Variants in GRM7 observed in about 807,000 individuals in gnomAD.
GRM7 encodes metabotropic glutamate receptor 7.
A neutral mutation model predicts 84.5 loss-of-function variants in GRM7; 35 were observed. The ratio of observed to expected loss-of-function variants is 0.41; its 90% CI spans 0.32 to 0.55. GRM7 has a LOEUF of 0.55. Among genes scored for constraint, GRM7 ranks in the 20% least tolerant of loss-of-function variants. GRM7 has a pLI of 0.19. For synonymous variants in GRM7, 487 were observed against 455.1 expected, an observed-to-expected ratio of 1.07 and a Z score of -0.89; for missense variants, 1,003 against 1,194.6, an observed-to-expected ratio of 0.84 and a Z score of 2.36.
chr3:7,533,115 A>G (rs1188423925), intron 7 of GRM7, among the ~76,000 whole-genome samples: 18 of 152,098 alleles, frequency 1.2e-4, no homozygotes, highest in African/African-American at 3.1e-4. Context: ...AGGATATTCC[A>G]GACTTGAATT....
Position 7,317,157 on chromosome 3 carries a change from G to A in GRM7, c.1033+10505G>A, listed in dbSNP as rs535389260. Among the ~76,000 whole-genome samples the A allele has an allele frequency of 1.2e-4, 19 of 152,184 alleles. No individual in the cohort carries two copies. The East Asian group carries it at 3.3e-3, about 26-fold the overall frequency. ...TACATCATTGGTGATTTTTTACATA[G>A]ACTTATTGCGTCTGAGTGATTGGAA... On this transcript the variant is annotated intron_variant, in intron 4 of 9. Transcript: ENST00000357716.
chr3:7,062,172 G>A (rs185333483), intron 1 of GRM7, among the ~76,000 whole-genome samples: 3 of 151,892 alleles, frequency 2.0e-5, no homozygotes, highest in African/African-American at 7.2e-5. Context: ...GGCATGGTAA[G>A]CATTAAGCAT....
At chr3:7,162,788 C>A (rs1694674071) in intron 2 of GRM7, among the ~76,000 whole-genome samples, 1 of 67,878 alleles carries the variant, frequency 1.5e-5, no homozygotes, top group Non-Finnish European at 2.9e-5. Context: ...GAGATGGAGT[C>A]TCATTCTGTT....
rs1700883027 is a variant in GRM7 at position 7,528,154 on chromosome 3, G to T, written c.1516-50268G>T. On this transcript the variant is annotated intron_variant, in intron 7 of 9. Coordinates refer to ENST00000357716, the MANE Select transcript of GRM7 (RefSeq NM_000844.4). ...CAGCTGTTAATCCACGTAGTCCAGGGCGTTGTTTTGGTTGGTAGATATTTT... is the reference window on the plus strand; with the variant it reads ...CAGCTGTTAATCCACGTAGTCCAGGTCGTTGTTTTGGTTGGTAGATATTTT... Among the ~76,000 whole-genome samples, 3 of 151,886 alleles carry T rather than the reference G, an allele frequency of 2.0e-5. No homozygotes were observed. In the South Asian group the frequency reaches 6.2e-4, roughly 31 times the overall value.
intron 7 of GRM7, among the ~76,000 whole-genome samples, chr3:7,533,877 T>G (rs1051682288): frequency 6.6e-6 from 1 of 152,118 alleles, no homozygotes; most frequent in Non-Finnish European, 1.5e-5. Flanking sequence ...TATCAGTAAT[T>G]TTTTCCTTAC....
chr3:7,230,974 C>G (rs910400923), intron 2 of GRM7, among the ~76,000 whole-genome samples: 3 of 152,154 alleles, frequency 2.0e-5, no homozygotes, highest in East Asian at 1.9e-4. Context: ...ACCCATCCAG[C>G]CACTTCTTCA....
At chr3:6,927,467 A>AAGAAAGAAAGAAAGAAAGAAAGAT (rs1697342191) in intron 1 of GRM7, among the ~76,000 whole-genome samples, 1 of 41,704 alleles carries the variant, frequency 2.4e-5, no homozygotes, top group Non-Finnish European at 6.8e-5. Context: ...GAGAGAGAGA[A>AAGAAAGAAAGAAAGAAAGAAAGAT]AGAAAGAAAG....
chr3:7,264,466 C>T (rs997290203), intron 2 of GRM7, among the ~76,000 whole-genome samples: 1 of 152,116 alleles, frequency 6.6e-6, no homozygotes, highest in Non-Finnish European at 1.5e-5. Context: ...GTAGTAAGAG[C>T]AGGTTGCTCC....
chr3:6,912,093 G>C (rs531995080), intron 1 of GRM7, among the ~76,000 whole-genome samples: 2 of 152,192 alleles, frequency 1.3e-5, no homozygotes, highest in South Asian at 2.1e-4. Flanking sequence ...TGATTGTTTA[G>C]TGCTTTCTTC....
chr3:7,164,873 A>C (rs773560176), intron 2 of GRM7, among the ~76,000 whole-genome samples: 1 of 152,236 alleles, frequency 6.6e-6, no homozygotes, highest in Non-Finnish European at 1.5e-5. Context: ...GGTTAGGTCC[A>C]CCAGATCCCT....
chr3:7,362,640 C>T (rs559104760), intron 4 of GRM7, among the ~76,000 whole-genome samples: 9 of 152,058 alleles, frequency 5.9e-5, no homozygotes, highest in South Asian at 2.1e-4. Context: ...TTTAGCTGTA[C>T]GATTCATTAA....
At chr3:7,186,123 CA>C (rs1247827943) in intron 2 of GRM7, among the ~76,000 whole-genome samples, 1 of 152,330 alleles carries the variant, frequency 6.6e-6, no homozygotes, top group East Asian at 1.9e-4. Flanking sequence ...CAGCACTCTA[CA>C]GTGAGCTGAC....
intron 7 of GRM7, among the ~76,000 whole-genome samples, chr3:7,504,612 A>C (rs926858568): frequency 6.6e-6 from 1 of 152,220 alleles, no homozygotes; most frequent in African/African-American, 2.4e-5. Flanking sequence ...AAGAAAAGGC[A>C]AGAGCAAAAG....
intron 7 of GRM7, among the ~76,000 whole-genome samples, chr3:7,475,336 T>C (rs1698877791): frequency 1.3e-5 from 2 of 152,176 alleles, no homozygotes; most frequent in South Asian, 4.1e-4. Flanking sequence ...AACACATTGA[T>C]GGGTATGCAT....
In GRM7 at chr3:7,307,018, C is replaced by T. The variant is rs1457759907; in HGVS notation, c.1033+366C>T. Among the ~76,000 whole-genome samples the T allele has an allele frequency of 2.0e-5, 3 of 152,090 alleles. No homozygotes were observed. In the East Asian group the frequency reaches 5.8e-4, roughly 29 times the overall value. Reference sequence around the variant, plus strand: ...GAATCCTTTCACTTTGTAACGCATCCATTATTTCCTTATTAGAAGAAGTAC... The same window carrying T: ...GAATCCTTTCACTTTGTAACGCATCTATTATTTCCTTATTAGAAGAAGTAC... On this transcript the variant is annotated intron_variant, in intron 4 of 9. Transcript: ENST00000357716.
chr3:7,265,644 A>T (rs927004800), intron 2 of GRM7, among the ~76,000 whole-genome samples: 1 of 152,188 alleles, frequency 6.6e-6, no homozygotes, highest in African/African-American at 2.4e-5. Context: ...GATTCTACCA[A>T]GTCTGGTGCT....
intron 7 of GRM7, among the ~76,000 whole-genome samples, chr3:7,516,019 T>A (rs1486434344): frequency 2.6e-5 from 4 of 151,358 alleles, no homozygotes; most frequent in Non-Finnish European, 5.9e-5. Context: ...ATAAAAAAAT[T>A]AAGTTGACAT....
At chr3:7,059,105 A>G in intron 1 of GRM7, among the ~76,000 whole-genome samples, 1 of 151,804 alleles carries the variant, frequency 6.6e-6, no homozygotes, top group East Asian at 1.9e-4. Context: ...AGAAGTTACT[A>G]TTTATTCCTA....
chr3:6,906,798 A>G (rs1696593793), intron 1 of GRM7, among the ~76,000 whole-genome samples: 1 of 152,018 alleles, frequency 6.6e-6, no homozygotes, highest in Non-Finnish European at 1.5e-5. Context: ...AAGTATCTCC[A>G]GGGTTGAAAA....
Sources: allele counts gnomAD v4.1 joint callset (sites outside exome capture counted in the v4.1 genomes callset), GRCh38; gene constraint gnomAD v4.1.1; transcripts MANE v1.5; gene names NCBI Gene and HGNC (gene_info 2026-07-23, HGNC 2026-07-21).